The following RELN variants were observed in gnomAD, a reference collection of about 807,000 sequenced individuals.
RELN encodes the protein reelin.
Under a neutral mutation model 427.6 loss-of-function variants are expected in RELN, and 108 were observed. That is an observed-to-expected ratio of 0.25 (90% CI 0.22 to 0.30). The LOEUF is 0.30. RELN is among the 10% of genes least tolerant of loss of function. The probability of loss-of-function intolerance (pLI) is 1.00; values close to 1 mark genes in which losing one functional copy is unlikely to be tolerated. For missense variants in RELN, 3,715 were observed against 4,302.8 expected (o/e 0.86, Z 3.82); for synonymous variants, 1,524 against 1,513.4 (o/e 1.01, Z -0.16).
intron 8 of RELN, among the ~76,000 whole-genome samples, chr7:103,707,473 A>G (rs1017741538): frequency 6.6e-6 from 1 of 151,850 alleles, no homozygotes; most frequent in Non-Finnish European, 1.5e-5. Context: ...AACACATTCC[A>G]TGATGGCTTG....
intron 1 of RELN, among the ~76,000 whole-genome samples, chr7:103,933,142 A>G (rs1427267257): frequency 6.6e-6 from 1 of 152,180 alleles, no homozygotes; most frequent in Non-Finnish European, 1.5e-5. Flanking sequence ...ACAGCAGCAT[A>G]CCATTAGCCC....
intron 9 of RELN, among the ~76,000 whole-genome samples, chr7:103,699,212 A>T (rs1834040218): frequency 6.6e-6 from 1 of 152,194 alleles, no homozygotes; most frequent in Non-Finnish European, 1.5e-5. Context: ...GGCTTGTCAT[A>T]AATCAGTTTT....
Position 103,941,325 on chromosome 7 carries a change from T to C in RELN, c.227-24140A>G, listed in dbSNP as rs145081172. On this transcript the variant is annotated intron_variant, in intron 1 of 64. Transcript: ENST00000428762. ...GTAAAACATTTTTAGGTAAGTGAAC[T>C]TATTAAGACAAATATCAGTTGTCAA... Among the ~76,000 whole-genome samples the C allele has an allele frequency of 3.7e-3, 562 of 152,322 alleles. 6 individuals are homozygous for C. The highest frequency in any genetic ancestry group is 0.013 in the African/African-American group (541 of 41,586).
intron 2 of RELN, among the ~76,000 whole-genome samples, chr7:103,869,921 T>TGA (rs2116520912): frequency 6.6e-6 from 1 of 152,268 alleles, no homozygotes; most frequent in East Asian, 1.9e-4. Context: ...CCCTGAAGTC[T>TGA]TTCTTCAAAC....
At chr7:103,987,627 C>T (rs1486499659) in intron 1 of RELN, among the ~76,000 whole-genome samples, 1 of 152,150 alleles carries the variant, frequency 6.6e-6, no homozygotes, top group Non-Finnish European at 1.5e-5. Flanking sequence ...TGCTAAGAGT[C>T]GCACGGAGCA....
At chr7:103,810,015 T>C (rs1413015643) in intron 3 of RELN, among the ~76,000 whole-genome samples, 1 of 152,184 alleles carries the variant, frequency 6.6e-6, no homozygotes, top group Non-Finnish European at 1.5e-5. Context: ...TTCCAGAAAG[T>C]AGATTTCCTG....
At chr7:103,925,106 CT>C (rs1251630407) in intron 1 of RELN, among the ~76,000 whole-genome samples, 2 of 151,816 alleles carry the variant, frequency 1.3e-5, no homozygotes, top group African/African-American at 4.8e-5. Flanking sequence ...CAGGTGATCC[CT>C]TCCCTAGACT....
At chr7:103,886,956 C>G (rs1465347661) in intron 2 of RELN, among the ~76,000 whole-genome samples, 1 of 152,120 alleles carries the variant, frequency 6.6e-6, no homozygotes, top group Admixed American at 6.5e-5. Context: ...ACAAATAAAA[C>G]TATGAAAAAG....
chr7:103,551,066 C>T lies in RELN; in HGVS notation c.6302+1G>A. The T allele has an allele frequency of 6.2e-7, 1 of 1,611,734 alleles. No individual in the cohort carries two copies. Among genetic ancestry groups the T allele is most frequent in the Non-Finnish European group, 8.5e-7 (1 of 1,179,052 alleles). On this transcript the variant is annotated splice_donor_variant, in intron 41 of 64. Transcript: ENST00000428762. LOFTEE classifies it high-confidence loss of function. The stretch of plus-strand genomic sequence containing the variant: ...TGTGGCGTCAAGCAGCGGGTCCTTA[C>T]CCACAAAGGTGCAGCTTCCCAAAGT...
chr7:103,739,961 G>A (rs1478351793), intron 6 of RELN, among the ~76,000 whole-genome samples: 1 of 152,174 alleles, frequency 6.6e-6, no homozygotes, highest in African/African-American at 2.4e-5. Flanking sequence ...CAGAAACAGT[G>A]GTGAGGACAG....
intron 16 of RELN, among the ~76,000 whole-genome samples, chr7:103,646,865 C>T (rs1241020702): frequency 1.3e-5 from 2 of 151,928 alleles, no homozygotes. Context: ...ATGCAAAAAT[C>T]CTTAACAAAA....
chr7:103,840,031 T>A (rs1265608080), intron 2 of RELN, among the ~76,000 whole-genome samples: 1 of 152,198 alleles, frequency 6.6e-6, no homozygotes, highest in African/African-American at 2.4e-5. Flanking sequence ...TCCGGCCATA[T>A]GAAAACATAC....
chr7:103,487,363 C>A (rs904214517), intron 60 of RELN, among the ~76,000 whole-genome samples: 1 of 147,834 alleles, frequency 6.8e-6, no homozygotes, highest in Non-Finnish European at 1.5e-5. Context: ...ATGTAACAAA[C>A]CTGCATGTTC....
intron 2 of RELN, among the ~76,000 whole-genome samples, chr7:103,860,353 G>C (rs1195543228): frequency 3.9e-5 from 6 of 152,058 alleles, no homozygotes; most frequent in Non-Finnish European, 8.8e-5. Flanking sequence ...TTATTATATG[G>C]AATAAGGCAG....
At chr7:103,879,989 GC>G (rs1584326265) in intron 2 of RELN, among the ~76,000 whole-genome samples, 2 of 151,764 alleles carry the variant, frequency 1.3e-5, no homozygotes, top group East Asian at 3.9e-4. Context: ...CACAAAAACT[GC>G]TTGTAAGCAT....
chr7:103,836,789 A>C (rs1274214273), intron 2 of RELN, among the ~76,000 whole-genome samples: 1 of 152,140 alleles, frequency 6.6e-6, no homozygotes, highest in Non-Finnish European at 1.5e-5. Flanking sequence ...ATGGGTCCCC[A>C]CTGAATCTTT....
chr7:103,620,356 C>T lies in RELN; in HGVS notation c.2703-8553G>A, dbSNP rs1459009693. On this transcript the variant is annotated intron_variant, in intron 20 of 64. Transcript: ENST00000428762. The surrounding 1 kb of genome is among the most constrained non-coding windows in gnomAD (Gnocchi z 4.1). ...TCAGCAGCGTGAGAATGGACTAACA[C>T]AACTTCAATTCATCTCCGATCTCAG... 6.6e-6 allele frequency among the ~76,000 whole-genome samples: 1 copy of T among 152,276 alleles called. No individual in the cohort carries two copies. The highest frequency in any genetic ancestry group is 1.9e-4 in the East Asian group (1 of 5,186).
chr7:103,757,973 A>G (rs1176003452), intron 4 of RELN, among the ~76,000 whole-genome samples: 1 of 152,202 alleles, frequency 6.6e-6, no homozygotes, highest in Non-Finnish European at 1.5e-5. Context: ...CTGAATTTCT[A>G]CATTTTTTCA....
At position 103,708,487 on chromosome 7, in the gene RELN, G is replaced by A. The variant is rs535161148; in HGVS notation, c.806-7481C>T. ...CTCTTTTTTTTTTTTTTTTTGAGAC[G>A]GAGTCTTGCTGTGTCTCCCAGGTTG... On this transcript the variant is annotated intron_variant, in intron 8 of 64. Transcript: ENST00000428762. 4.8e-3 allele frequency among the ~76,000 whole-genome samples: 300 copies of A among 61,890 alleles called. 1 individual carries two copies. Among genetic ancestry groups the A allele is most frequent in the Admixed American group, 7.4e-3 (52 of 6,996 alleles). 40.6% of individuals were successfully genotyped at this position (61,890 alleles called of 152,430 possible). A position where few individuals can be genotyped will look rare whatever the true frequency, so the allele number is the denominator to read the frequency against.
Sources: gnomAD v4.1 joint callset for allele counts (sites outside exome capture counted in the v4.1 genomes callset) on GRCh38, gnomAD v4.1.1 for gene constraint, Gnocchi (gnomAD v3.1) non-coding constraint, MANE v1.5 for transcripts, NCBI Gene and HGNC (gene_info 2026-07-23, HGNC 2026-07-21) for gene names.